KCNJ16: variants seen among roughly 807,000 people sequenced by gnomAD.
KCNJ16 encodes the protein inward rectifier potassium channel 16.
Under a neutral mutation model 18.5 loss-of-function variants are expected in KCNJ16, and 15 were observed. The ratio of observed to expected loss-of-function variants is 0.81; its 90% CI spans 0.54 to 1.25. The LOEUF is 1.25. Ranked by LOEUF, KCNJ16 falls within the 50% of genes most tolerant of loss-of-function variation. The pLI is 0.00. For missense variants in KCNJ16, 523 were observed against 525.7 expected (o/e 0.99, Z 0.05); for synonymous variants, 174 against 186.5 (o/e 0.93, Z 0.55).
intron 2 of KCNJ16, among the ~76,000 whole-genome samples, chr17:70,115,478 T>C (rs755112706): frequency 8.5e-5 from 13 of 152,276 alleles, no homozygotes; most frequent in East Asian, 1.9e-4. Flanking sequence ...AGTAGGAAAG[T>C]TGCAGAATAG....
intron 2 of KCNJ16, among the ~76,000 whole-genome samples, chr17:70,111,552 T>C (rs1460976017): frequency 6.6e-6 from 1 of 151,998 alleles, no homozygotes; most frequent in East Asian, 1.9e-4. Context: ...ATTAAACTGG[T>C]AGTAAAATAT....
intron 2 of KCNJ16, among the ~76,000 whole-genome samples, chr17:70,113,223 G>A (rs2073261119): frequency 6.6e-6 from 1 of 152,156 alleles, no homozygotes; most frequent in South Asian, 2.1e-4. Context: ...TACCAGGGAA[G>A]CATCTTTGTT....
intron 3 of KCNJ16, chr17:70,131,223 G>C: frequency 1.4e-5 from 8 of 564,524 alleles, no homozygotes; most frequent in East Asian, 3.9e-5. Flanking sequence ...AGAAAGAAAA[G>C]AAAAAAAAAA....
intron 2 of KCNJ16, among the ~76,000 whole-genome samples, chr17:70,107,199 T>C (rs1226837141): frequency 6.6e-6 from 1 of 152,208 alleles, no homozygotes; most frequent in Non-Finnish European, 1.5e-5. Context: ...TAGGCAAATG[T>C]TGGAGACGAG....
chr17:70,103,156 AATTT>A (rs1053094416), intron 2 of KCNJ16, among the ~76,000 whole-genome samples: 12 of 143,690 alleles, frequency 8.4e-5, no homozygotes, highest in African/African-American at 2.5e-4. Context: ...TAATATATAT[AATTT>A]ATTTAATATA....
At chr17:70,090,144 T>A (rs73998755) in intron 1 of KCNJ16, among the ~76,000 whole-genome samples, 1 of 152,376 alleles carries the variant, frequency 6.6e-6, no homozygotes, top group African/African-American at 2.4e-5. Context: ...TAGGCAGAAC[T>A]GGCTGTTTCT....
At chr17:70,117,691 T>A (rs961473735) in intron 2 of KCNJ16, among the ~76,000 whole-genome samples, 1 of 152,206 alleles carries the variant, frequency 6.6e-6, no homozygotes, top group Admixed American at 6.5e-5. Context: ...AATATCATCT[T>A]TGTATTATTC....
chr17:70,093,977 A>G (rs772065778), intron 1 of KCNJ16, among the ~76,000 whole-genome samples: 3 of 152,156 alleles, frequency 2.0e-5, no homozygotes, highest in Non-Finnish European at 4.4e-5. Flanking sequence ...AAAAGGGCAA[A>G]TAAGGGGAAT....
intron 1 of KCNJ16, among the ~76,000 whole-genome samples, chr17:70,085,457 A>G (rs1324764646): frequency 6.6e-6 from 1 of 152,212 alleles, no homozygotes; most frequent in East Asian, 1.9e-4. Flanking sequence ...TAGTAAAGGT[A>G]TGGGCTTTTA....
intron 1 of KCNJ16, among the ~76,000 whole-genome samples, chr17:70,078,024 T>C (rs2071391017): frequency 6.6e-6 from 1 of 152,214 alleles, no homozygotes; most frequent in Non-Finnish European, 1.5e-5. Flanking sequence ...GACCCTAGGC[T>C]TTGTAGTTAT....
chr17:70,123,184 C>T (rs530913637), intron 2 of KCNJ16, among the ~76,000 whole-genome samples: 2 of 152,264 alleles, frequency 1.3e-5, no homozygotes, highest in East Asian at 3.9e-4. Flanking sequence ...CTCTCTCTTT[C>T]TAGCCTCAAT....
At chr17:70,103,286 A>ATATGTGTGTGTGTGTGTG (rs1555589100) in intron 2 of KCNJ16, among the ~76,000 whole-genome samples, 12 of 103,814 alleles carry the variant, frequency 1.2e-4, no homozygotes, top group Non-Finnish European at 1.5e-4. Flanking sequence ...ATATGCATAT[A>ATATGTGTGTGTGTGTGTG]TGTGTGTGTG....
At chr17:70,083,648 T>C (rs2071657768) in intron 1 of KCNJ16, among the ~76,000 whole-genome samples, 1 of 152,172 alleles carries the variant, frequency 6.6e-6, no homozygotes, top group Non-Finnish European at 1.5e-5. Context: ...TTTGCGTATA[T>C]ACACTCTATG....
At chr17:70,092,489 A>AATAGATAGATAGATAGATAG (rs56383039) in intron 1 of KCNJ16, among the ~76,000 whole-genome samples, 222 of 89,930 alleles carry the variant, frequency 2.5e-3, no homozygotes, top group Non-Finnish European at 2.4e-3. Context: ...AAACAGAACC[A>AATAGATAGATAGATAGATAG]ATAGATAGAT....
chr17:70,109,928 G>A (rs917776521), intron 2 of KCNJ16, among the ~76,000 whole-genome samples: 1 of 152,168 alleles, frequency 6.6e-6, no homozygotes, highest in Non-Finnish European at 1.5e-5. Flanking sequence ...GATCTCCCAA[G>A]GCTAAAAGAC....
At chr17:70,120,861 G>GA (rs1208920513) in intron 2 of KCNJ16, among the ~76,000 whole-genome samples, 1 of 152,180 alleles carries the variant, frequency 6.6e-6, no homozygotes, top group Non-Finnish European at 1.5e-5. Flanking sequence ...ATTAACAGGA[G>GA]AAAGTGTATA....
rs1054342755 is a variant in KCNJ16, at chr17:70,099,856, C to T, written c.-299-802C>T. Among the ~76,000 whole-genome samples the T allele has an allele frequency of 6.6e-5, 10 of 152,124 alleles. No individual in the cohort carries two copies. The East Asian group carries it at 1.9e-3, about 29-fold the overall frequency. ...ATGATGATCACTAATTTGAGAGGAA[C>T]TACATGTTAGCCAACCCATCACTGA... On this transcript the variant is annotated intron_variant, in intron 1 of 3. Transcript: ENST00000392671.
At chr17:70,123,273 G>T (rs962447770) in intron 2 of KCNJ16, among the ~76,000 whole-genome samples, 2 of 149,310 alleles carry the variant, frequency 1.3e-5, no homozygotes, top group Non-Finnish European at 3.0e-5. Context: ...ATATTGAAAA[G>T]ATAACAGTTT....
chr17:70,098,547 A>C (rs1319550268), intron 1 of KCNJ16, among the ~76,000 whole-genome samples: 1 of 152,092 alleles, frequency 6.6e-6, no homozygotes, highest in Non-Finnish European at 1.5e-5. Context: ...AAAAAAAAAA[A>C]AAACCTTTAT....
Sources: allele counts gnomAD v4.1 joint callset (sites outside exome capture counted in the v4.1 genomes callset), GRCh38; gene constraint gnomAD v4.1.1; transcripts MANE v1.5; gene names NCBI Gene and HGNC (gene_info 2026-07-23, HGNC 2026-07-21).